AIM2: variants seen among roughly 807,000 people sequenced by gnomAD.
The protein encoded by AIM2 is absent in melanoma 2.
Under a neutral mutation model 27.7 loss-of-function variants are expected in AIM2, and 30 were observed. That is an observed-to-expected ratio of 1.08 (90% CI 0.81 to 1.47). AIM2 has a LOEUF of 1.47. Ranked by LOEUF, AIM2 falls within the 40% of genes most tolerant of loss-of-function variation. AIM2 has a pLI of 0.00. For missense variants in AIM2, 358 were observed against 411.3 expected (o/e 0.87, Z 1.12); for synonymous variants, 141 against 145.3 (o/e 0.97, Z 0.21).
At chr1:159,132,652 C>G (rs1252281120) in intron 1 of AIM2, among the ~76,000 whole-genome samples, 5 of 152,152 alleles carry the variant, frequency 3.3e-5, no homozygotes, top group Non-Finnish European at 5.9e-5. Context: ...TGCGTGTGGA[C>G]ACATTCCTCC....
At chr1:159,141,882 G>A (rs1367482385), upstream of AIM2, among the ~76,000 whole-genome samples, 1 of 152,208 alleles carries the variant, frequency 6.6e-6, no homozygotes, top group Non-Finnish European at 1.5e-5. Context: ...AGGATTGGGG[G>A]AATGTGACAG....
intron 1 of AIM2, among the ~76,000 whole-genome samples, chr1:159,117,965 A>G (rs1323391920): frequency 6.6e-6 from 1 of 152,208 alleles, no homozygotes; most frequent in African/African-American, 2.4e-5. Flanking sequence ...TTATTGATGA[A>G]GCATTTGAAA....
At chr1:159,141,782 G>A (rs1426994798), upstream of AIM2, among the ~76,000 whole-genome samples, 3 of 151,966 alleles carry the variant, frequency 2.0e-5, no homozygotes, top group Admixed American at 6.6e-5. Flanking sequence ...CGGTGGGGGG[G>A]GACAGGGACA....
intron 1 of AIM2, among the ~76,000 whole-genome samples, chr1:159,098,916 A>G (rs930283942): frequency 1.3e-5 from 2 of 152,176 alleles, no homozygotes; most frequent in African/African-American, 4.8e-5. Context: ...AGGATAACAA[A>G]AAGAGACTAC....
At chr1:159,070,186 TG>T (rs1656291498) in intron 2 of AIM2, among the ~76,000 whole-genome samples, 1 of 151,892 alleles carries the variant, frequency 6.6e-6, no homozygotes, top group Non-Finnish European at 1.5e-5. Flanking sequence ...GTTAGTTACC[TG>T]TCTCAGTTAA....
intron 1 of AIM2, among the ~76,000 whole-genome samples, chr1:159,118,661 A>AATGGTTCCAAAATTCATTG (rs1371250243): frequency 1.3e-5 from 2 of 152,152 alleles, no homozygotes; most frequent in African/African-American, 2.4e-5. Context: ...GTTTTTACCT[A>AATGGTTCCAAAATTCATTG]ATGGTTCCAA....
rs1404475562 is a variant in AIM2 at position 159,122,632 on chromosome 1, G to C, written c.-16+17799C>G. Among the ~76,000 whole-genome samples the C allele has an allele frequency of 2.0e-5, 3 of 152,160 alleles. No homozygotes were observed. The East Asian group carries it at 5.8e-4, about 29-fold the overall frequency. On this transcript the variant is annotated intron_variant, in intron 1 of 2. Transcript: ENST00000368129. The stretch of plus-strand genomic sequence containing the variant: ...TCAGAAAAACAATGGCACTGAGAAG[G>C]AACGCAAAGGAACAAAGATCAAAGG...
chr1:159,144,730 AG>A (rs1570987592), upstream of AIM2, among the ~76,000 whole-genome samples: 2 of 152,214 alleles, frequency 1.3e-5, no homozygotes, highest in African/African-American at 4.8e-5. Flanking sequence ...CAGACAAACT[AG>A]TGATGCTCAT....
intron 2 of AIM2, among the ~76,000 whole-genome samples, chr1:159,071,498 T>C (rs1054209418): frequency 2.0e-5 from 3 of 152,188 alleles, no homozygotes; most frequent in African/African-American, 7.2e-5. Flanking sequence ...GCAAGAAGCA[T>C]ACTTTGTGTT....
At chr1:159,136,557 G>A (rs931966266) in intron 1 of AIM2, among the ~76,000 whole-genome samples, 8 of 151,938 alleles carry the variant, frequency 5.3e-5, no homozygotes, top group East Asian at 1.9e-4. Flanking sequence ...ATCATAATAC[G>A]CCATTTCTCA....
At chr1:159,115,366 G>C (rs888190305) in intron 1 of AIM2, among the ~76,000 whole-genome samples, 6 of 152,046 alleles carry the variant, frequency 3.9e-5, no homozygotes, top group African/African-American at 1.4e-4. Flanking sequence ...AAAGGAGCCC[G>C]CATCACCAAG....
intron 1 of AIM2, among the ~76,000 whole-genome samples, chr1:159,087,718 G>A (rs1207941009): frequency 6.6e-6 from 1 of 151,740 alleles, no homozygotes; most frequent in Non-Finnish European, 1.5e-5. Flanking sequence ...GATTACAAGT[G>A]CCCACCACCA....
At chr1:159,068,298 G>A (rs533544705) in intron 3 of AIM2, among the ~76,000 whole-genome samples, 1 of 152,108 alleles carries the variant, frequency 6.6e-6, no homozygotes, top group African/African-American at 2.4e-5. Flanking sequence ...TGTAAACAAC[G>A]GTCTATCTCA....
intron 1 of AIM2, among the ~76,000 whole-genome samples, chr1:159,111,725 G>A (rs1237087723): frequency 2.0e-5 from 3 of 151,134 alleles, no homozygotes; most frequent in African/African-American, 7.4e-5. Context: ...CACTTTGGGA[G>A]GCCGAAGCGG....
chr1:159,073,651 G>C, intron 1 of AIM2, 132 bp from the exon 2 acceptor site: 1 of 893,456 alleles, frequency 1.1e-6, no homozygotes, highest in Admixed American at 2.8e-5. Flanking sequence ...ATTTGAGTAG[G>C]ACATAGGTAA....
chr1:159,061,101 G>T (rs950700492), downstream of AIM2, among the ~76,000 whole-genome samples: 1 of 152,092 alleles, frequency 6.6e-6, no homozygotes, highest in Non-Finnish European at 1.5e-5. Context: ...TTGCATAAAG[G>T]TTATACCATT....
chr1:159,105,805 T>G (rs1460508957), intron 1 of AIM2, among the ~76,000 whole-genome samples: 1 of 152,102 alleles, frequency 6.6e-6, no homozygotes, highest in East Asian at 1.9e-4. Context: ...GTGTAGTTAT[T>G]GGTCCATGGG....
intron 1 of AIM2, among the ~76,000 whole-genome samples, chr1:159,119,989 CATT>C (rs1322484399): frequency 6.6e-6 from 1 of 151,930 alleles, no homozygotes; most frequent in Non-Finnish European, 1.5e-5. Context: ...TCATGTGTAG[CATT>C]ATGTTATATA....
At chr1:159,105,377 G>C (rs1172160052) in intron 1 of AIM2, among the ~76,000 whole-genome samples, 1 of 152,220 alleles carries the variant, frequency 6.6e-6, no homozygotes, top group Non-Finnish European at 1.5e-5. Context: ...CTGGGCCGCA[G>C]CTCCTCTTTC....
Sources: gnomAD v4.1 joint callset for allele counts (sites outside exome capture counted in the v4.1 genomes callset) on GRCh38, gnomAD v4.1.1 for gene constraint, MANE v1.5 for transcripts, NCBI Gene and HGNC (gene_info 2026-07-23, HGNC 2026-07-21) for gene names.